Variants in PHF10 observed in about 807,000 individuals in gnomAD.
PHF10 encodes PHD finger protein 10, also known as BRG1-associated factor 45a.
In PHF10, 51 loss-of-function variants were observed where a neutral mutation model predicts 68.5. The ratio of observed to expected loss-of-function variants is 0.74; its 90% CI spans 0.59 to 0.94. The LOEUF (loss-of-function observed/expected upper bound fraction) is 0.94, where lower values mean the gene tolerates loss of function less well. Ranked by LOEUF, PHF10 falls within the 40% of genes least tolerant of loss-of-function variation. PHF10 has a pLI of 0.00. For missense variants in PHF10, 460 were observed against 602.6 expected, an observed-to-expected ratio of 0.76 and a Z score of 2.48; for synonymous variants, 204 against 203.5, an observed-to-expected ratio of 1.00 and a Z score of -0.02.
At chr6:169,720,886 A>G in intron 2 of PHF10, 119 bp downstream of exon 2, 1 of 606,452 alleles carries the variant, frequency 1.6e-6, no homozygotes, top group Non-Finnish European at 2.9e-6. Flanking sequence ...ATAGAACAGG[A>G]AGAAAATATT....
intron 9 of PHF10, among the ~76,000 whole-genome samples, chr6:169,706,733 C>CAT (rs1788806147): frequency 4.1e-5 from 2 of 48,198 alleles, no homozygotes; most frequent in Non-Finnish European, 6.7e-5. Flanking sequence ...TACATACACA[C>CAT]ACACACACAC....
chr6:169,708,267 G>T (rs11546265), intron 9 of PHF10: 2 of 151,976 alleles, frequency 1.3e-5, no homozygotes. Context: ...TTTAATTATT[G>T]TATTTATAGG....
chr6:169,723,081 C>T (rs1789219502), intron 1 of PHF10, among the ~76,000 whole-genome samples: 1 of 152,230 alleles, frequency 6.6e-6, no homozygotes, highest in Admixed American at 6.5e-5. Context: ...CCCCTGCCAA[C>T]GCGCACACGG....
rs750413698 is a variant in PHF10, at chr6:169,712,500, T to C, written c.843A>G (p.Thr281=). 1 of 1,613,826 alleles carries C rather than the reference T, an allele frequency of 6.2e-7. No individual in the cohort carries two copies. The highest frequency in any genetic ancestry group is 1.1e-5 in the South Asian group (1 of 91,050). The change falls in exon 8 of 12, where the codon ACA becomes ACG. Residue 281 remains threonine (T), a synonymous_variant. Coordinates refer to ENST00000339209, the MANE Select transcript of PHF10 (RefSeq NM_018288.4). ...PDELRYLPLN[T]ALYEPPLDPE... The stretch of plus-strand genomic sequence containing the variant: ...GATCCAGAGGGGGCTCATACAGGGC[T>C]GTGTTTAATGGCAGATACCGCAGCT...
Position 169,704,093 on chromosome 6 carries a change from G to A in PHF10, c.1412-5C>T. On this transcript the variant is annotated splice_polypyrimidine_tract_variant and splice_region_variant and intron_variant, in intron 11 of 11. Coordinates refer to ENST00000339209, the MANE Select transcript of PHF10 (RefSeq NM_018288.4). Reference sequence around the variant, plus strand: ...AACAGTCACAAATCCAGCGACCTAGGAAAAAAATTGTTAATATAGAATGAA... The same window carrying A: ...AACAGTCACAAATCCAGCGACCTAGAAAAAAAATTGTTAATATAGAATGAA... 2 of 1,571,340 alleles carry A rather than the reference G, an allele frequency of 1.3e-6. No individual in the cohort carries two copies. Among genetic ancestry groups the A allele is most frequent in the Non-Finnish European group, 1.7e-6 (2 of 1,167,452 alleles).
intron 4 of PHF10, 51 bp downstream of exon 4, chr6:169,717,772 T>C (rs1028087526): frequency 1.3e-6 from 1 of 756,572 alleles, no homozygotes; most frequent in Admixed American, 2.1e-5. Context: ...TATCTAGTAT[T>C]ATCTCATAAA....
Position 169,722,152 on chromosome 6 carries a change from T to A in PHF10, c.88-1041A>T, listed in dbSNP as rs186827094. Among the ~76,000 whole-genome samples, 43 of 152,346 alleles carry A rather than the reference T, an allele frequency of 2.8e-4. 1 individual carries two copies. Among genetic ancestry groups the A allele is most frequent in the Admixed American group, 2.5e-3 (39 of 15,306 alleles). On this transcript the variant is annotated intron_variant, in intron 1 of 11. Coordinates refer to ENST00000339209, the MANE Select transcript of PHF10 (RefSeq NM_018288.4). ...GAACAAGGACTGGCGAGTTATCTGA[T>A]AAATATTAGTTAAAATGATGATTAT...
Position 169,712,370 on chromosome 6 carries a change from A to G in PHF10, c.957+16T>C. The stretch of plus-strand genomic sequence containing the variant: ...AGAGAAAGGAAATGCTTCCTACTAG[A>G]GAGAAATGTTCTCACCGAAGTGCCT... On this transcript the variant is annotated intron_variant, in intron 8 of 11. Coordinates refer to ENST00000339209, the MANE Select transcript of PHF10 (RefSeq NM_018288.4). The G allele has an allele frequency of 6.2e-7, 1 of 1,609,112 alleles. No homozygotes were observed. The highest frequency in any genetic ancestry group is 2.2e-5 in the East Asian group (1 of 44,848).
chr6:169,723,844 C>A lies in PHF10; in HGVS notation c.87+1G>T. ...TCGGGTCGCACCGGCCGCTTCCTCACCTTCGGGGACTGCGCTCCGGGGGTG... is the reference window on the plus strand; with the variant it reads ...TCGGGTCGCACCGGCCGCTTCCTCAACTTCGGGGACTGCGCTCCGGGGGTG... On this transcript the variant is annotated splice_donor_variant, in intron 1 of 11. Transcript: ENST00000339209. LOFTEE classifies it high-confidence loss of function. The A allele has an allele frequency of 9.4e-7, 1 of 1,062,006 alleles. No individual in the cohort carries two copies. The highest frequency in any genetic ancestry group is 4.5e-5 in the South Asian group (1 of 22,174). The allele number at this position is 1,062,006 out of a possible 1,614,324, so 65.8% of individuals were successfully genotyped here.
intron 1 of PHF10, 107 bp from the exon 2 acceptor site, chr6:169,721,218 A>C: frequency 3.2e-6 from 2 of 616,792 alleles, no homozygotes; most frequent in Admixed American, 2.9e-5. Flanking sequence ...ACAAGTATTA[A>C]CTTCATATTA....
intron 1 of PHF10, among the ~76,000 whole-genome samples, chr6:169,721,667 G>C (rs949464737): frequency 6.7e-6 from 1 of 149,974 alleles, no homozygotes; most frequent in Non-Finnish European, 1.5e-5. Flanking sequence ...CTTGAGAGGG[G>C]GAGGGGAATT....
intron 2 of PHF10, among the ~76,000 whole-genome samples, chr6:169,720,482 A>G (rs1482616853): frequency 6.6e-6 from 1 of 152,228 alleles, no homozygotes; most frequent in Non-Finnish European, 1.5e-5. Context: ...AACAGAAAAA[A>G]AGTCTGACAT....
chr6:169,722,998 A>T (rs1789216065), intron 1 of PHF10, among the ~76,000 whole-genome samples: 1 of 152,226 alleles, frequency 6.6e-6, no homozygotes, highest in Non-Finnish European at 1.5e-5. Context: ...TGAGTCTCAC[A>T]GCACGGTGGA....
chr6:169,705,514 T>C, intron 10 of PHF10, 102 bp downstream of exon 10: 1 of 780,418 alleles, frequency 1.3e-6, no homozygotes, highest in Non-Finnish European at 2.3e-6. Flanking sequence ...GTGTATTTAA[T>C]TTGGTGACTC....
chr6:169,704,612 G>C, intron 11 of PHF10: 1 of 169,430 alleles, frequency 5.9e-6, no homozygotes. Context: ...CTTCGTTGTA[G>C]GCATATATTT....
Position 169,714,789 on chromosome 6 carries a change from C to T in PHF10, c.747G>A (p.Lys249=). ...TGAGAGCCACTGGGTAAGAACTGAC[C>T]TTTGTTCGCTCTGTTGGCAAAACTT... ...KYKVLPTERT[K]VSSYPVALIP... is the part of the protein sequence containing the mutation. The change falls in exon 7 of 12, where the codon AAG becomes AAA. Residue 249 remains lysine (K), a synonymous_variant. Coordinates refer to ENST00000339209, the MANE Select transcript of PHF10 (RefSeq NM_018288.4). The T allele has an allele frequency of 6.2e-7, 1 of 1,608,152 alleles. No homozygotes were observed. The highest frequency in any genetic ancestry group is 1.7e-5 in the Admixed American group (1 of 60,000).
rs769056482 is a variant in PHF10 at position 169,714,816 on chromosome 6, G to A, written c.720C>T (p.Tyr240=). Residue 240 remains tyrosine (Y), a synonymous_variant, in exon 7 of 12, where the codon TAC becomes TAT. Transcript: ENST00000339209. ...TTGTTCGCTCTGTTGGCAAAACTTT[G>A]TACTTCCCTTGAGGTACCTGGATAA... The part of the protein sequence containing the change: ...THVIQVPQGK[Y]KVLPTERTKV... 3.1e-6 allele frequency: 5 copies of A among 1,593,588 alleles called. No individual in the cohort carries two copies. The Admixed American group carries it at 8.3e-5, about 27-fold the overall frequency.
Position 169,723,998 on chromosome 6 carries a change from TGCCGCCGCCGCCGCC to T in PHF10, c.-82_-68del, listed in dbSNP as rs1161850118. ...GCCTTGTCCCGGCCGCCGCCGCCGC[TGCCGCCGCCGCCGCC>T]GCCGCCGCCGCGCGGGCCCCCCGCC... is the stretch of plus-strand genomic sequence containing the variant. On this transcript the variant is annotated 5_prime_UTR_variant, in exon 1 of 12. Transcript: ENST00000339209. 5 of 326,104 alleles carry T rather than the reference TGCCGCCGCCGCCGCC, an allele frequency of 1.5e-5. No homozygotes were observed. Among genetic ancestry groups the T allele is most frequent in the Admixed American group, 1.5e-4 (2 of 13,494 alleles). The allele number at this position is 326,104 out of a possible 1,614,324, so 20.2% of individuals were successfully genotyped here.
At position 169,704,023 on chromosome 6, in the gene PHF10, T is replaced by TC; in HGVS notation, c.1476dup (p.Lys493GlufsTer9). 2 of 1,601,632 alleles carry TC rather than the reference T, an allele frequency of 1.2e-6. No homozygotes were observed. Among genetic ancestry groups the TC allele is most frequent in the Non-Finnish European group, 8.5e-7 (1 of 1,176,138 alleles). ...CTATTTTATCCCTCTTTGCTGTTTT[T>TC]CCCCCTTCTGCCCACTTTCCTGGGT... is the stretch of plus-strand genomic sequence containing the variant. On this transcript the variant is annotated frameshift_variant, in exon 12 of 12. Transcript: ENST00000339209. LOFTEE classifies it high-confidence loss of function.
Sources: allele counts gnomAD v4.1 joint callset (sites outside exome capture counted in the v4.1 genomes callset), GRCh38; gene constraint gnomAD v4.1.1; transcripts MANE v1.5; gene names NCBI Gene and HGNC (gene_info 2026-07-23, HGNC 2026-07-21).